The following PPFIBP2 variants were observed in gnomAD, a reference collection of about 807,000 sequenced individuals.
The protein encoded by PPFIBP2 is liprin-beta-2.
In PPFIBP2, 118 loss-of-function variants were observed where a neutral mutation model predicts 118.3. The observed-to-expected ratio is 1.00, with a 90% CI of 0.86 to 1.16. PPFIBP2 has a LOEUF of 1.16. Among genes scored for constraint, PPFIBP2 ranks in the 50% most tolerant of loss-of-function variants. PPFIBP2 has a pLI of 0.00. For synonymous variants in PPFIBP2, 414 were observed against 397.4 expected (o/e 1.04, Z -0.50); for missense variants, 1,195 against 1,073.1 (o/e 1.11, Z -1.59).
At chr11:7,555,001 T>C (rs927902090) in intron 2 of PPFIBP2, among the ~76,000 whole-genome samples, 1 of 135,532 alleles carries the variant, frequency 7.4e-6, no homozygotes, top group Non-Finnish European at 1.6e-5. Context: ...CCTGTGATTC[T>C]GCTTGCAAAT....
chr11:7,631,975 T>G (rs934304739), intron 11 of PPFIBP2, among the ~76,000 whole-genome samples: 1 of 152,226 alleles, frequency 6.6e-6, no homozygotes, highest in Non-Finnish European at 1.5e-5. Context: ...TGCTAGGATC[T>G]AGAGAAAAGA....
intron 5 of PPFIBP2, among the ~76,000 whole-genome samples, chr11:7,602,900 T>A (rs368025420): frequency 2.6e-5 from 4 of 152,186 alleles, no homozygotes; most frequent in African/African-American, 7.2e-5. Context: ...ACCTGTTTCC[T>A]TATTAGTAGA....
At chr11:7,662,478 C>T in the PPFIBP2 span, among the ~76,000 whole-genome samples, 1 of 151,806 alleles carries the variant, frequency 6.6e-6, no homozygotes, top group African/African-American at 2.4e-5. Flanking sequence ...TATTGGCCCC[C>T]ACTCTCTTCT....
intron 5 of PPFIBP2, among the ~76,000 whole-genome samples, chr11:7,606,928 T>G (rs1398638592): frequency 1.9e-5 from 2 of 107,080 alleles, no homozygotes. Flanking sequence ...TTTTTTTTTT[T>G]GAGACAGAGT....
chr11:7,651,058 A>G, intron 22 of PPFIBP2, 93 bp downstream of exon 22: 1 of 1,328,082 alleles, frequency 7.5e-7, no homozygotes, highest in Non-Finnish European at 1.0e-6. Context: ...AGCTAACGAA[A>G]AAAAATAGGT....
At chr11:7,558,197 T>C (rs1271313735) in intron 2 of PPFIBP2, among the ~76,000 whole-genome samples, 1 of 152,212 alleles carries the variant, frequency 6.6e-6, no homozygotes, top group African/African-American at 2.4e-5. Flanking sequence ...TCATCTTCAC[T>C]TGAACACAGA....
At chr11:7,656,719 C>G (rs892217873), downstream of PPFIBP2, 2 of 1,289,826 alleles carry the variant, frequency 1.6e-6, no homozygotes, top group East Asian at 5.6e-5. Flanking sequence ...CGGCTGTGTC[C>G]TTTTCAGACA....
At chr11:7,641,949 C>T (rs1852256651) in intron 16 of PPFIBP2, 2 of 400,046 alleles carry the variant, frequency 5.0e-6, no homozygotes, top group Admixed American at 4.1e-5. Context: ...TCTTAGGAGT[C>T]AGTCTGTTTT....
intron 11 of PPFIBP2, 154 bp from the exon 12 acceptor site, chr11:7,632,713 T>G: frequency 1.7e-6 from 1 of 601,900 alleles, no homozygotes; most frequent in South Asian, 1.8e-5. Context: ...CCTTGCATCT[T>G]GAAAGAGCAA....
chr11:7,526,050 T>C (rs552328352), intron 1 of PPFIBP2, among the ~76,000 whole-genome samples: 1 of 152,158 alleles, frequency 6.6e-6, no homozygotes, highest in African/African-American at 2.4e-5. Context: ...TGTAAGAAAT[T>C]TTAAAGAACT....
intron 7 of PPFIBP2, among the ~76,000 whole-genome samples, chr11:7,622,774 G>A (rs1849503798): frequency 6.6e-6 from 1 of 152,190 alleles, no homozygotes; most frequent in Non-Finnish European, 1.5e-5. Context: ...GTTTTGTCCA[G>A]TAGCTCAGAA....
intron 1 of PPFIBP2, among the ~76,000 whole-genome samples, chr11:7,541,394 G>A (rs899850485): frequency 2.0e-5 from 3 of 152,232 alleles, no homozygotes; most frequent in Admixed American, 2.0e-4. Flanking sequence ...TGTGTGAGCA[G>A]ATGAGATCAC....
intron 22 of PPFIBP2, chr11:7,651,364 G>A (rs1017505835): frequency 2.6e-6 from 1 of 389,718 alleles, no homozygotes; most frequent in Non-Finnish European, 4.6e-6. Context: ...ATGAGGAAGT[G>A]TGGTGGCTTG....
At chr11:7,649,725 C>G in intron 21 of PPFIBP2, 71 bp downstream of exon 21, 2 of 1,583,076 alleles carry the variant, frequency 1.3e-6, no homozygotes, top group African/African-American at 1.4e-5. Flanking sequence ...CATGAGCAAA[C>G]AAGAATGACA....
intron 1 of PPFIBP2, among the ~76,000 whole-genome samples, chr11:7,533,080 G>C (rs367895424): frequency 3.3e-5 from 5 of 152,066 alleles, no homozygotes; most frequent in African/African-American, 1.2e-4. Flanking sequence ...ATGGAATAGG[G>C]AGAAGTGCCT....
At chr11:7,621,075 G>A in intron 7 of PPFIBP2, 48 bp downstream of exon 7, 1 of 1,446,702 alleles carries the variant, frequency 6.9e-7, no homozygotes, top group Admixed American at 1.7e-5. Flanking sequence ...GGGCCTTGTG[G>A]GGAGGGTCTG....
chr11:7,644,420 A>C (rs1040869136), intron 17 of PPFIBP2, among the ~76,000 whole-genome samples: 1 of 152,244 alleles, frequency 6.6e-6, no homozygotes, highest in Non-Finnish European at 1.5e-5. Context: ...AGTAAAGTAT[A>C]ATGTTTAAGG....
At chr11:7,530,806 C>T (rs1850617098) in intron 1 of PPFIBP2, among the ~76,000 whole-genome samples, 1 of 150,276 alleles carries the variant, frequency 6.7e-6, no homozygotes, top group African/African-American at 2.4e-5. Context: ...AAGAAAGGAG[C>T]CTCAGAAGGC....
At chr11:7,528,671 C>G (rs569040539) in intron 1 of PPFIBP2, among the ~76,000 whole-genome samples, 1 of 152,218 alleles carries the variant, frequency 6.6e-6, no homozygotes, top group South Asian at 2.1e-4. Flanking sequence ...AGAGGAGGGA[C>G]CGATACAGTT....
Sources: gnomAD v4.1 joint callset for allele counts (sites outside exome capture counted in the v4.1 genomes callset) on GRCh38, gnomAD v4.1.1 for gene constraint, MANE v1.5 for transcripts, NCBI Gene and HGNC (gene_info 2026-07-23, HGNC 2026-07-21) for gene names.